The following TGM5 variants were observed in gnomAD, a reference collection of about 807,000 sequenced individuals.
TGM5 encodes transglutaminase 5.
Under a neutral mutation model 77.2 loss-of-function variants are expected in TGM5, and 69 were observed. That is an observed-to-expected ratio of 0.89 (90% CI 0.74 to 1.09). The LOEUF (loss-of-function observed/expected upper bound fraction) is 1.09, where lower values mean the gene tolerates loss of function less well. TGM5 is among the 50% of genes least tolerant of loss of function. The pLI is 0.00. For synonymous variants in TGM5, 346 were observed against 351.8 expected, an observed-to-expected ratio of 0.98 and a Z score of 0.18; for missense variants, 842 against 896.5, an observed-to-expected ratio of 0.94 and a Z score of 0.78.
intron 6 of TGM5, among the ~76,000 whole-genome samples, chr15:43,245,047 T>C (rs1272735815): frequency 6.6e-6 from 1 of 152,010 alleles, no homozygotes; most frequent in Non-Finnish European, 1.5e-5. Flanking sequence ...CCAGCCTGGG[T>C]GCTCCAGCCT....
rs1008827116 is a variant in TGM5, at chr15:43,232,838, G to C, written c.*353C>G. On this transcript the variant is annotated 3_prime_UTR_variant, in exon 13 of 13. Transcript: ENST00000220420. The stretch of plus-strand genomic sequence containing the variant: ...ATCCCTGGGCCCTGAAAAGAGTCCA[G>C]GGGAGCTGTGCAAATGGTCCAGGGA... 7 of 311,018 alleles carry C rather than the reference G, an allele frequency of 2.3e-5. No homozygotes were observed. The highest frequency in any genetic ancestry group is 1.5e-4 in the African/African-American group (7 of 46,102). The allele number at this position is 311,018 out of a possible 1,614,324, so 19.3% of individuals were successfully genotyped here.
In TGM5 at chr15:43,254,647, C is replaced by T. The variant is rs929634473; in HGVS notation, c.556-1013G>A. Among the ~76,000 whole-genome samples the T allele has an allele frequency of 3.9e-5, 6 of 152,210 alleles. No homozygotes were observed. In the East Asian group the frequency reaches 9.7e-4, roughly 25 times the overall value. ...GCCTCAAGTATCAATAATTGCCCTC[C>T]GCCCCCATCCCTACCATTTTTTCTC... On this transcript the variant is annotated intron_variant, in intron 4 of 12. Transcript: ENST00000220420.
In TGM5 at chr15:43,232,815, C is replaced by A; in HGVS notation, c.*376G>T. ...ATCTCTGGATGGGACACAGTGGAATCCCTGGGCCCTGAAAAGAGTCCAGGG... is the reference window on the plus strand; with the variant it reads ...ATCTCTGGATGGGACACAGTGGAATACCTGGGCCCTGAAAAGAGTCCAGGG... On this transcript the variant is annotated 3_prime_UTR_variant, in exon 13 of 13. Transcript: ENST00000220420. The A allele has an allele frequency of 3.6e-6, 1 of 274,084 alleles. No individual in the cohort carries two copies. Among genetic ancestry groups the A allele is most frequent in the Non-Finnish European group, 7.0e-6 (1 of 142,416 alleles). The allele number at this position is 274,084 out of a possible 1,614,324, so 17.0% of individuals were successfully genotyped here.
chr15:43,259,356 G>A (rs2042767867), intron 3 of TGM5, among the ~76,000 whole-genome samples: 1 of 151,052 alleles, frequency 6.6e-6, no homozygotes, highest in Admixed American at 6.6e-5. Context: ...TAGAGAACTA[G>A]TTAAAAATAT....
At chr15:43,256,501 A>G (rs959393080) in intron 4 of TGM5, 67 bp downstream of exon 4, 11 of 1,216,070 alleles carry the variant, frequency 9.0e-6, no homozygotes, top group African/African-American at 6.0e-5. Context: ...TGAAGCTCAC[A>G]TGTGCCCTGC....
intron 1 of TGM5, 116 bp from the exon 2 acceptor site, chr15:43,260,695 T>C: frequency 8.8e-7 from 1 of 1,132,710 alleles, no homozygotes. Flanking sequence ...TCAGTTTCCA[T>C]ATCAGTAAAA....
At position 43,233,681 on chromosome 15, in the gene TGM5, C is replaced by T; in HGVS notation, c.1882G>A (p.Gly628Arg). ...AGTGGCTGGTTCACAACGGCTGCTC[C>T]TAGAACCTAAACAGACCAGGAGGGG... ...SYPSITINVLGAAVVNQPLSI... is the reference protein window; with the variant it reads ...SYPSITINVLRAAVVNQPLSI... The change falls in exon 12 of 13, where the codon GGA (glycine) becomes AGA (arginine). Residue 628 changes from glycine (G) to arginine (R), a missense_variant. Physicochemically the swap from Gly to Arg is moderately radical, Grantham distance 125. Transcript: ENST00000220420. 8 of 1,614,112 alleles carry T rather than the reference C, an allele frequency of 5.0e-6. No homozygotes were observed. The highest frequency in any genetic ancestry group is 6.8e-6 in the Non-Finnish European group (8 of 1,180,014).
chr15:43,253,752 T>C, intron 4 of TGM5, 118 bp from the exon 5 acceptor site: 1 of 1,410,976 alleles, frequency 7.1e-7, no homozygotes, highest in African/African-American at 1.4e-5. Flanking sequence ...GGTAACTGTG[T>C]CAAACAGAAC....
At chr15:43,252,989 C>T in intron 5 of TGM5, 53 bp from the exon 6 acceptor site, 11 of 1,591,966 alleles carry the variant, frequency 6.9e-6, no homozygotes, top group Non-Finnish European at 9.4e-6. Flanking sequence ...CCTCAACATG[C>T]CATGTGTGGG....
Position 43,252,742 on chromosome 15 carries a change from TCCTTTCTA to T in TGM5, c.862+9_862+16del, listed in dbSNP as rs770400977. Reference sequence around the variant, plus strand: ...CTATACTTCTGACCTTTTTGTGGGGTCCTTTCTACCTCCTACCTGTGCACATGACGGCA... The same window carrying T: ...CTATACTTCTGACCTTTTTGTGGGGTCCTCCTACCTGTGCACATGACGGCA... On this transcript the variant is annotated intron_variant, in intron 6 of 12. Coordinates refer to ENST00000220420, the MANE Select transcript of TGM5 (RefSeq NM_201631.4). The T allele has an allele frequency of 1.9e-6, 3 of 1,612,808 alleles. No individual in the cohort carries two copies. The highest frequency in any genetic ancestry group is 3.3e-5 in the Admixed American group (2 of 60,002).
chr15:43,233,270 T>A lies in TGM5; in HGVS notation c.2084A>T (p.Gln695Leu). 6.2e-7 allele frequency: 1 copy of A among 1,614,238 alleles called. No homozygotes were observed. The highest frequency in any genetic ancestry group is 1.1e-5 in the South Asian group (1 of 91,090). Reference protein sequence around the residue: ...ETVPFKSGQRQIQANMRSNKF... With the variant: ...ETVPFKSGQRLIQANMRSNKF... ...GTTGCTTCTCATATTAGCTTGGATCTGCCTTTGTCCACTCTTGAAGGGGAC... is the reference window on the plus strand; with the variant it reads ...GTTGCTTCTCATATTAGCTTGGATCAGCCTTTGTCCACTCTTGAAGGGGAC... The change falls in exon 13 of 13, where the codon CAG (glutamine) becomes CTG (leucine). Residue 695 changes from glutamine (Q) to leucine (L), a missense_variant. By Grantham distance (113) the Gln-to-Leu change is moderately radical. This residue lies in a region of TGM5 where 27 missense variants were observed against 51.8 expected (regional missense o/e 0.52). Transcript: ENST00000220420.
At chr15:43,265,354 G>A (rs536852612) in intron 1 of TGM5, among the ~76,000 whole-genome samples, 2 of 152,298 alleles carry the variant, frequency 1.3e-5, no homozygotes, top group South Asian at 4.1e-4. Context: ...ACCTAACAGT[G>A]GAAAAAGAAG....
At chr15:43,243,178 C>T (rs1277197675) in intron 6 of TGM5, among the ~76,000 whole-genome samples, 1 of 152,216 alleles carries the variant, frequency 6.6e-6, no homozygotes, top group Non-Finnish European at 1.5e-5. Context: ...ATGAGTCTGT[C>T]TTCCTGAGGG....
chr15:43,257,239 A>G (rs891302671), intron 3 of TGM5, among the ~76,000 whole-genome samples: 37 of 152,188 alleles, frequency 2.4e-4, no homozygotes, highest in African/African-American at 8.4e-4. Context: ...AACCACCTAC[A>G]TGCCCTGTTA....
chr15:43,244,128 C>T (rs2042656241), intron 6 of TGM5, among the ~76,000 whole-genome samples: 1 of 152,238 alleles, frequency 6.6e-6, no homozygotes, highest in South Asian at 2.1e-4. Flanking sequence ...CTCCACACCG[C>T]ACTCATCCCT....
intron 5 of TGM5, 123 bp from the exon 6 acceptor site, chr15:43,253,059 T>A: frequency 1.8e-6 from 2 of 1,087,542 alleles, no homozygotes; most frequent in Non-Finnish European, 2.7e-6. Context: ...AGCATTTTAC[T>A]GTGGACTTCC....
intron 5 of TGM5, 59 bp from the exon 6 acceptor site, chr15:43,252,995 G>A (rs1048176923): frequency 8.2e-6 from 13 of 1,584,758 alleles, no homozygotes; most frequent in Non-Finnish European, 1.0e-5. Flanking sequence ...CATGCCATGT[G>A]TGGGCTGCCT....
rs552245390 is a variant in TGM5, at chr15:43,261,234, C to T, written c.11-655G>A. ...CCTCCCGAGTAGCTGGGGCTACAGG[C>T]GCCCGCCACCATGCCTGGCTAATTT... On this transcript the variant is annotated intron_variant, in intron 1 of 12. Coordinates refer to ENST00000220420, the MANE Select transcript of TGM5 (RefSeq NM_201631.4). Among the ~76,000 whole-genome samples the T allele has an allele frequency of 2.0e-5, 3 of 151,786 alleles. No individual in the cohort carries two copies. In the East Asian group the frequency reaches 5.8e-4, roughly 29 times the overall value.
rs897593401 is a variant in TGM5, at chr15:43,235,081, C to T, written c.1715-152G>A. The T allele has an allele frequency of 7.1e-6, 7 of 979,336 alleles. No homozygotes were observed. The African/African-American group carries it at 1.1e-4, about 16-fold the overall frequency. The allele number at this position is 979,336 out of a possible 1,614,324, so 60.7% of individuals were successfully genotyped here. ...GCAGCTTTTTAGATGAGGAAATGAG[C>T]TGAAAAGAGCCAAAATGGCTGCCCA... On this transcript the variant is annotated intron_variant, in intron 10 of 12. Coordinates refer to ENST00000220420, the MANE Select transcript of TGM5 (RefSeq NM_201631.4).
Sources: allele counts gnomAD v4.1 joint callset (sites outside exome capture counted in the v4.1 genomes callset), GRCh38; gene constraint gnomAD v4.1.1; regional missense constraint gnomAD v4.1.1; transcripts MANE v1.5; gene names NCBI Gene and HGNC (gene_info 2026-07-23, HGNC 2026-07-21).